The following SGCZ variants were observed in gnomAD, a reference collection of about 807,000 sequenced individuals.
SGCZ encodes sarcoglycan zeta.
In SGCZ, 40 loss-of-function variants were observed where a neutral mutation model predicts 41.3. The observed-to-expected ratio is 0.97, with a 90% CI of 0.75 to 1.26. The LOEUF is 1.26. SGCZ is among the 50% of genes most tolerant of loss of function. SGCZ has a pLI of 0.00. For missense variants in SGCZ, 552 were observed against 369.8 expected, an observed-to-expected ratio of 1.49 and a Z score of -4.04; for synonymous variants, 206 against 137.5, an observed-to-expected ratio of 1.50 and a Z score of -3.49.
chr8:14,243,555 A>G (rs1278587531), intron 3 of SGCZ, among the ~76,000 whole-genome samples: 5 of 152,200 alleles, frequency 3.3e-5, no homozygotes, highest in Non-Finnish European at 5.9e-5. Flanking sequence ...CATAACATGT[A>G]AGGTTCTTCA....
At chr8:14,363,481 G>A (rs1474347584) in intron 2 of SGCZ, among the ~76,000 whole-genome samples, 2 of 152,090 alleles carry the variant, frequency 1.3e-5, no homozygotes, top group African/African-American at 4.8e-5. Context: ...CAAGACAGGA[G>A]GTGAGAACAG....
At chr8:14,648,528 G>A (rs190804241) in intron 1 of SGCZ, among the ~76,000 whole-genome samples, 1 of 152,196 alleles carries the variant, frequency 6.6e-6, no homozygotes, top group African/African-American at 2.4e-5. Context: ...TAAGATTAAA[G>A]GTTCCAAACT....
At chr8:14,823,133 AG>A (rs1476400803) in intron 1 of SGCZ, among the ~76,000 whole-genome samples, 2 of 151,664 alleles carry the variant, frequency 1.3e-5, no homozygotes, top group Non-Finnish European at 2.9e-5. Context: ...TAGAAATAAA[AG>A]GAAAACAGTG....
At chr8:14,505,992 A>C (rs921834827) in intron 2 of SGCZ, among the ~76,000 whole-genome samples, 3 of 152,028 alleles carry the variant, frequency 2.0e-5, no homozygotes, top group African/African-American at 7.2e-5. Context: ...CAAACTTCCA[A>C]ACATACTTTC....
chr8:14,745,696 A>C (rs1166147951), intron 1 of SGCZ, among the ~76,000 whole-genome samples: 2 of 150,298 alleles, frequency 1.3e-5, no homozygotes, highest in Non-Finnish European at 3.0e-5. Flanking sequence ...TACATGCCAT[A>C]TATATATATG....
chr8:15,062,772 G>A (rs1264773411), intron 1 of SGCZ, among the ~76,000 whole-genome samples: 1 of 152,120 alleles, frequency 6.6e-6, no homozygotes, highest in Non-Finnish European at 1.5e-5. Context: ...AGATGGATTT[G>A]TTAAACCCTT....
At chr8:14,380,162 A>C (rs1585428385) in intron 2 of SGCZ, among the ~76,000 whole-genome samples, 2 of 152,206 alleles carry the variant, frequency 1.3e-5, no homozygotes, top group Non-Finnish European at 2.9e-5. Flanking sequence ...CAATTGATAT[A>C]TGCAAGCTTT....
intron 1 of SGCZ, among the ~76,000 whole-genome samples, chr8:14,820,261 G>A (rs1802034244): frequency 6.6e-6 from 1 of 151,968 alleles, no homozygotes; most frequent in Admixed American, 6.6e-5. Flanking sequence ...GTCAGAGACT[G>A]AAGAGACATC....
intron 1 of SGCZ, among the ~76,000 whole-genome samples, chr8:15,160,873 T>C (rs181387497): frequency 1.9e-4 from 29 of 152,314 alleles, no homozygotes; most frequent in Non-Finnish European, 3.8e-4. Flanking sequence ...AGAGGCATCC[T>C]TGAGACAGTC....
At chr8:14,814,311 T>C (rs1197789349) in intron 1 of SGCZ, among the ~76,000 whole-genome samples, 1 of 152,126 alleles carries the variant, frequency 6.6e-6, no homozygotes, top group Non-Finnish European at 1.5e-5. Flanking sequence ...TAGAAGGGAC[T>C]GAAGCTCTAA....
intron 1 of SGCZ, among the ~76,000 whole-genome samples, chr8:15,119,302 G>C (rs1420916898): frequency 6.6e-6 from 1 of 152,102 alleles, no homozygotes; most frequent in Non-Finnish European, 1.5e-5. Flanking sequence ...AGGCCGAGGT[G>C]GGTGGATCAC....
intron 5 of SGCZ, among the ~76,000 whole-genome samples, chr8:14,139,231 A>G (rs922933219): frequency 6.6e-6 from 1 of 152,216 alleles, no homozygotes; most frequent in African/African-American, 2.4e-5. Flanking sequence ...AAAGCCTACA[A>G]GAGAAAGCAG....
intron 3 of SGCZ, among the ~76,000 whole-genome samples, chr8:14,270,125 A>C (rs1800009883): frequency 6.6e-6 from 1 of 151,960 alleles, no homozygotes; most frequent in Admixed American, 6.6e-5. Context: ...TGAGGTCAGG[A>C]GTTCAAGACC....
At chr8:14,269,223 G>C (rs916628557) in intron 3 of SGCZ, among the ~76,000 whole-genome samples, 14 of 152,030 alleles carry the variant, frequency 9.2e-5, no homozygotes, top group African/African-American at 2.7e-4. Context: ...TCAAATATTT[G>C]AGATTATTAC....
intron 1 of SGCZ, among the ~76,000 whole-genome samples, chr8:14,578,718 T>C (rs147797960): frequency 3.3e-5 from 5 of 152,294 alleles, no homozygotes; most frequent in African/African-American, 1.2e-4. Flanking sequence ...TTCTTCAAAA[T>C]GATTCATGGT....
chr8:14,478,023 G>C (rs960686440), intron 2 of SGCZ, among the ~76,000 whole-genome samples: 2 of 152,210 alleles, frequency 1.3e-5, no homozygotes, highest in African/African-American at 2.4e-5. Context: ...GAAGGAACCT[G>C]ATGAATATGA....
At chr8:14,490,494 A>G (rs1017143698) in intron 2 of SGCZ, among the ~76,000 whole-genome samples, 1 of 152,226 alleles carries the variant, frequency 6.6e-6, no homozygotes, top group South Asian at 2.1e-4. Context: ...AACACACTGC[A>G]AAATGAGGTC....
intron 1 of SGCZ, among the ~76,000 whole-genome samples, chr8:14,699,567 T>C (rs369250474): frequency 1.3e-5 from 2 of 151,796 alleles, no homozygotes; most frequent in African/African-American, 4.8e-5. Context: ...GCAAAAAATG[T>C]ATGGCTACAT....
At chr8:15,048,771 T>C in intron 1 of SGCZ, among the ~76,000 whole-genome samples, 1 of 152,270 alleles carries the variant, frequency 6.6e-6, no homozygotes, top group Middle Eastern at 3.4e-3. Context: ...ATTTTTTATA[T>C]ATAGACATAT....
Sources: allele counts gnomAD v4.1 joint callset (sites outside exome capture counted in the v4.1 genomes callset), GRCh38; gene constraint gnomAD v4.1.1; transcripts MANE v1.5; gene names NCBI Gene and HGNC (gene_info 2026-07-23, HGNC 2026-07-21).